ITPKC: variants seen among roughly 807,000 people sequenced by gnomAD.
ITPKC encodes IP3 3-kinase C.
In ITPKC, 33 loss-of-function variants were observed where a neutral mutation model predicts 67.1. That is an observed-to-expected ratio of 0.49 (90% CI 0.37 to 0.66). The LOEUF (loss-of-function observed/expected upper bound fraction) is 0.66, where lower values mean the gene tolerates loss of function less well. Ranked by LOEUF, ITPKC falls within the 30% of genes least tolerant of loss-of-function variation. The pLI is 0.00. For synonymous variants in ITPKC, 341 were observed against 359.8 expected (o/e 0.95, Z 0.59); for missense variants, 820 against 892.1 (o/e 0.92, Z 1.03).
chr19:40,735,443 TG>T (rs944822923), intron 4 of ITPKC, among the ~76,000 whole-genome samples: 7 of 151,768 alleles, frequency 4.6e-5, no homozygotes, highest in African/African-American at 1.7e-4. Context: ...TAAACTCAAG[TG>T]ATCCCCCCAC....
At chr19:40,721,312 G>A (rs980708114) in intron 1 of ITPKC, among the ~76,000 whole-genome samples, 2 of 151,716 alleles carry the variant, frequency 1.3e-5, no homozygotes, top group African/African-American at 4.8e-5. Context: ...TATAAGCTGA[G>A]ACCATTGTGA....
intron 1 of ITPKC, among the ~76,000 whole-genome samples, chr19:40,721,731 G>A (rs895640905): frequency 7.9e-5 from 12 of 152,086 alleles, no homozygotes; most frequent in African/African-American, 2.6e-4. Context: ...CAGGTGTGGT[G>A]GCTTATGCCT....
intron 4 of ITPKC, 81 bp downstream of exon 4, chr19:40,733,445 A>G (rs747414394): frequency 1.9e-5 from 25 of 1,347,128 alleles, no homozygotes; most frequent in Non-Finnish European, 2.6e-5. Context: ...GAAAGCCACG[A>G]GAGAGTGCAG....
Position 40,739,541 on chromosome 19 carries a change from A to T in ITPKC, c.2033A>T (p.Gln678Leu). 6.2e-7 allele frequency: 1 copy of T among 1,613,426 alleles called. No homozygotes were observed. The highest frequency in any genetic ancestry group is 1.1e-5 in the South Asian group (1 of 91,036). Residue 678 changes from glutamine (Q) to leucine (L), a missense_variant, in exon 7 of 7, where the codon CAG becomes CTG. Gln to Leu is a moderately radical substitution (Grantham distance 113). This residue lies in a region of ITPKC where 339 missense variants were observed against 422.0 expected (regional missense o/e 0.80). Coordinates refer to ENST00000263370, the MANE Select transcript of ITPKC (RefSeq NM_025194.3). ...CTGGACAACATGATCTGCCTCCTGC[A>T]GGGGCTGGCACAGAGCTGAGCTGCT... Reference protein sequence around the residue: ...WGLDNMICLLQGLAQS With the variant: ...WGLDNMICLLLGLAQS
At chr19:40,730,799 C>G (rs1486963178) in intron 3 of ITPKC, among the ~76,000 whole-genome samples, 2 of 152,130 alleles carry the variant, frequency 1.3e-5, no homozygotes, top group African/African-American at 4.8e-5. Context: ...CGTTCTCACA[C>G]CACTGCCACA....
Position 40,717,791 on chromosome 19 carries a change from C to A in ITPKC, c.656C>A (p.Ala219Asp). The A allele has an allele frequency of 4.3e-6, 7 of 1,614,086 alleles. No individual in the cohort carries two copies. Among genetic ancestry groups the A allele is most frequent in the Non-Finnish European group, 5.9e-6 (7 of 1,179,998 alleles). ...EGACPSKEPS[A>D]DGSWKELYTD... ...GCCTGTCCCTCAAAAGAGCCAAGTG[C>A]TGATGGCTCCTGGAAAGAATTGTAT... Residue 219 changes from alanine (A) to aspartate (D), a missense_variant, in exon 1 of 7, where the codon GCT (alanine) becomes GAT (aspartate). Physicochemically the swap from Ala to Asp is moderately radical, Grantham distance 126 (BLOSUM62 -2). Coordinates refer to ENST00000263370, the MANE Select transcript of ITPKC (RefSeq NM_025194.3).
At chr19:40,718,511 C>T (rs1395867472) in intron 1 of ITPKC, among the ~76,000 whole-genome samples, 1 of 152,272 alleles carries the variant, frequency 6.6e-6, no homozygotes, top group African/African-American at 2.4e-5. Flanking sequence ...CCTGCACTGT[C>T]TCCACTCCTG....
Position 40,717,596 on chromosome 19 carries a change from T to C in ITPKC, c.461T>C (p.Leu154Pro), listed in dbSNP as rs539957204. 24 of 1,613,978 alleles carry C rather than the reference T, an allele frequency of 1.5e-5. No individual in the cohort carries two copies. The East Asian group carries it at 4.9e-4, about 33-fold the overall frequency. ...TGGACTGATCCGCACAGGTCCGACC[T>C]CCAGTTTCAGCCCGAGGAGGCCAGC... ...GLWTDPHRSD[L>P]QFQPEEASPW... Residue 154 changes from leucine to proline, a missense_variant, in exon 1 of 7, where the codon CTC becomes CCC. Leu to Pro is a moderately conservative substitution (Grantham distance 98). Coordinates refer to ENST00000263370, the MANE Select transcript of ITPKC (RefSeq NM_025194.3).
At chr19:40,738,108 A>G (rs2082303542) in intron 6 of ITPKC, among the ~76,000 whole-genome samples, 1 of 151,850 alleles carries the variant, frequency 6.6e-6, no homozygotes, top group African/African-American at 2.4e-5. Flanking sequence ...AGCCTGGCCA[A>G]CATGGCGAAA....
In ITPKC at chr19:40,717,325, G is replaced by T; in HGVS notation, c.190G>T (p.Gly64Trp). ...EGGGPWARTE[G>W]SSLHSEPERA... ...GGGCGGGCCCTGGGCCCGGACAGAG[G>T]GGTCCAGCCTCCACAGCGAGCCTGA... Residue 64 changes from glycine to tryptophan, a missense_variant, in exon 1 of 7, where the codon GGG becomes TGG. Gly to Trp is a radical substitution (Grantham distance 184). Transcript: ENST00000263370. The T allele has an allele frequency of 6.3e-7, 1 of 1,594,676 alleles. No homozygotes were observed. Among genetic ancestry groups the T allele is most frequent in the East Asian group, 2.3e-5 (1 of 44,186 alleles).
intron 1 of ITPKC, among the ~76,000 whole-genome samples, chr19:40,724,176 A>G (rs902850194): frequency 6.6e-5 from 10 of 152,138 alleles, no homozygotes; most frequent in African/African-American, 2.4e-4. Flanking sequence ...GGAGACCAAG[A>G]TGGGAGGATT....
chr19:40,719,059 C>A (rs1027451655), intron 1 of ITPKC, among the ~76,000 whole-genome samples: 1 of 152,166 alleles, frequency 6.6e-6, no homozygotes, highest in Non-Finnish European at 1.5e-5. Context: ...AACTGGAGAG[C>A]CTCACGTGGG....
intron 4 of ITPKC, among the ~76,000 whole-genome samples, chr19:40,736,305 A>G (rs2082294133): frequency 6.6e-6 from 1 of 150,886 alleles, no homozygotes. Context: ...AAAAGAAAAG[A>G]GCAGAGTCAC....
intron 3 of ITPKC, among the ~76,000 whole-genome samples, 197 bp downstream of exon 3, chr19:40,729,612 A>G (rs2082261648): frequency 6.6e-6 from 1 of 152,142 alleles, no homozygotes; most frequent in South Asian, 2.1e-4. Context: ...CTAAAAATAC[A>G]AAAAATTAGC....
chr19:40,733,337 C>G lies in ITPKC; in HGVS notation c.1647C>G (p.Thr549=), dbSNP rs752763499. The G allele has an allele frequency of 3.1e-6, 5 of 1,612,404 alleles. No individual in the cohort carries two copies. Among genetic ancestry groups the G allele is most frequent in the Non-Finnish European group, 4.2e-6 (5 of 1,179,348 alleles). ...QWRETMSSTS[T]LGFRIEGIKK... is the part of the protein sequence containing the mutation. ...GGGAAACCATGAGCTCCACCTCTAC[C>G]CTGGGCTTCCGGATCGAGGGCATCA... Residue 549 remains threonine (T), a synonymous_variant, in exon 4 of 7, where the codon ACC becomes ACG. Coordinates refer to ENST00000263370, the MANE Select transcript of ITPKC (RefSeq NM_025194.3).
intron 2 of ITPKC, 103 bp from the exon 3 acceptor site, chr19:40,729,098 CG>C: frequency 3.6e-6 from 3 of 827,230 alleles, no homozygotes; most frequent in Non-Finnish European, 4.0e-6. Context: ...GCAGGAGGGT[CG>C]GGCAAGATAA....
intron 4 of ITPKC, among the ~76,000 whole-genome samples, chr19:40,733,920 A>G (rs1335225668): frequency 6.6e-6 from 1 of 152,174 alleles, no homozygotes; most frequent in Non-Finnish European, 1.5e-5. Flanking sequence ...TTGAATAGCT[A>G]GTCACACAGT....
Position 40,717,610 on chromosome 19 carries a change from G to A in ITPKC, c.475G>A (p.Glu159Lys). 2 of 1,614,148 alleles carry A rather than the reference G, an allele frequency of 1.2e-6. No individual in the cohort carries two copies. The highest frequency in any genetic ancestry group is 1.1e-5 in the South Asian group (1 of 91,084). ...CAGGTCCGACCTCCAGTTTCAGCCC[G>A]AGGAGGCCAGCCCCTGGACACAGCC... ...PHRSDLQFQP[E>K]EASPWTQPGV... The change falls in exon 1 of 7, where the codon GAG (glutamate) becomes AAG (lysine). Residue 159 changes from glutamate (E) to lysine (K), a missense_variant. Glu to Lys is a moderately conservative substitution (Grantham distance 56, BLOSUM62 1). This residue lies in a region of ITPKC where 481 missense variants were observed against 470.1 expected (regional missense o/e 1.02). Coordinates refer to ENST00000263370, the MANE Select transcript of ITPKC (RefSeq NM_025194.3).
At chr19:40,731,244 C>G (rs370975453) in intron 3 of ITPKC, among the ~76,000 whole-genome samples, 15 of 152,328 alleles carry the variant, frequency 9.8e-5, no homozygotes, top group Middle Eastern at 6.8e-3. Flanking sequence ...AACTCCACCT[C>G]CTGTCAGACT....
Sources: gnomAD v4.1 joint callset for allele counts (sites outside exome capture counted in the v4.1 genomes callset) on GRCh38, gnomAD v4.1.1 for gene constraint, gnomAD v4.1.1 regional missense constraint, MANE v1.5 for transcripts, NCBI Gene and HGNC (gene_info 2026-07-23, HGNC 2026-07-21) for gene names.